Variants in SAMMSON observed in about 807,000 individuals in gnomAD.
SAMMSON encodes long intergenic non-protein coding RNA 1212.
rs1401511233 is a variant in SAMMSON at position 70,125,240 on chromosome 3, A to T, written n.507+53675A>T. The T allele has an allele frequency of 5.3e-6, 7 of 1,322,472 alleles. No individual in the cohort carries two copies. In the East Asian group the frequency reaches 1.6e-4, roughly 30 times the overall value. The allele number at this position is 1,322,472 out of a possible 1,614,324, so 81.9% of individuals were successfully genotyped here. On this transcript the variant is annotated intron_variant and non_coding_transcript_variant, in intron 4 of 9. Transcript: ENST00000642114. The stretch of plus-strand genomic sequence containing the variant: ...TTGTCCTTTCATACGACCTTCTTTC[A>T]TCAAACGTATATCAAACATGATCTA...
chr3:70,306,943 G>T (rs944627869), intron 7 of SAMMSON, among the ~76,000 whole-genome samples: 1 of 151,834 alleles, frequency 6.6e-6, no homozygotes, highest in Non-Finnish European at 1.5e-5. Context: ...CTTTGACTTT[G>T]CTCATACAAA....
chr3:70,404,036 A>T (rs1701161289), intron 2 of SAMMSON, among the ~76,000 whole-genome samples: 1 of 152,170 alleles, frequency 6.6e-6, no homozygotes, highest in African/African-American at 2.4e-5. Flanking sequence ...AATTTTCAAA[A>T]TACTGATTAT....
At chr3:70,203,667 T>C (rs1421773770) in intron 4 of SAMMSON, among the ~76,000 whole-genome samples, 1 of 152,158 alleles carries the variant, frequency 6.6e-6, no homozygotes, top group Non-Finnish European at 1.5e-5. Flanking sequence ...GAAAATGTAA[T>C]CATTTTATTC....
At chr3:70,147,779 T>G (rs1371315893) in intron 4 of SAMMSON, among the ~76,000 whole-genome samples, 1 of 152,012 alleles carries the variant, frequency 6.6e-6, no homozygotes, top group Non-Finnish European at 1.5e-5. Context: ...AATCAATCCC[T>G]AAAAGAAAAT....
At chr3:70,249,968 C>T (rs532987787) in intron 6 of SAMMSON, among the ~76,000 whole-genome samples, 1 of 152,302 alleles carries the variant, frequency 6.6e-6, no homozygotes, top group East Asian at 1.9e-4. Flanking sequence ...ATTAGATCCA[C>T]TAGCCTAGCT....
chr3:70,404,557 A>G (rs1701165166), intron 2 of SAMMSON, among the ~76,000 whole-genome samples: 1 of 152,224 alleles, frequency 6.6e-6, no homozygotes, highest in Non-Finnish European at 1.5e-5. Context: ...GAATGAGTTT[A>G]GAGTCCTCAT....
intron 9 of SAMMSON, among the ~76,000 whole-genome samples, chr3:70,384,747 C>G (rs1357655790): frequency 6.6e-6 from 1 of 152,104 alleles, no homozygotes; most frequent in Non-Finnish European, 1.5e-5. Flanking sequence ...ATTACCTTCT[C>G]ACTGCCATCT....
Position 70,250,211 on chromosome 3 carries a change from T to C in SAMMSON, n.674+541T>C, listed in dbSNP as rs565556847. On this transcript the variant is annotated intron_variant and non_coding_transcript_variant, in intron 6 of 9. Coordinates refer to ENST00000642114, the Ensembl canonical transcript of SAMMSON. The stretch of plus-strand genomic sequence containing the variant: ...TAACACTTTCTCACAACTTCTTGAG[T>C]TGGGCCTCTTAATTCTTCTCATCTT... 2.2e-4 allele frequency among the ~76,000 whole-genome samples: 33 copies of C among 152,254 alleles called. No individual in the cohort carries two copies. The South Asian group carries it at 6.6e-3, about 31-fold the overall frequency.
In SAMMSON at chr3:70,324,172, TATCTATCTATCTATCTATCTATCTATC is replaced by T. The variant is rs1702559506; in HGVS notation, n.740-29987_740-29961del. 2.9e-5 allele frequency among the ~76,000 whole-genome samples: 3 copies of T among 102,088 alleles called. No homozygotes were observed. In the South Asian group the frequency reaches 8.9e-4, roughly 30 times the overall value. The allele number at this position is 102,088 out of a possible 152,430, so 67.0% of individuals were successfully genotyped here. A position where few individuals can be genotyped will look rare whatever the true frequency, so the allele number is the denominator to read the frequency against. On this transcript the variant is annotated intron_variant and non_coding_transcript_variant, in intron 7 of 9. Transcript: ENST00000642114. ...ACATCTCTCTATCTATCTATCTATC[TATCTATCTATCTATCTATCTATCTATC>T]ATCTATCTATCTATCCACACACACA... is the stretch of plus-strand genomic sequence containing the variant.
At chr3:70,370,515 T>C (rs553898610) in intron 9 of SAMMSON, among the ~76,000 whole-genome samples, 1 of 152,232 alleles carries the variant, frequency 6.6e-6, no homozygotes, top group African/African-American at 2.4e-5. Context: ...TAGGGTAAGA[T>C]GATATCTCAT....
chr3:70,389,764 C>G (rs1245374761), exon 10 of SAMMSON: 1 of 152,054 alleles, frequency 6.6e-6, no homozygotes, highest in Non-Finnish European at 1.5e-5. Flanking sequence ...GCTGACAAGT[C>G]AAGTAGGATG....
In SAMMSON at chr3:70,433,430, G is replaced by A. The variant is rs1421500513; in HGVS notation, n.234-29130G>A. Among the ~76,000 whole-genome samples the A allele has an allele frequency of 2.0e-5, 3 of 152,148 alleles. No homozygotes were observed. The East Asian group carries it at 5.8e-4, about 29-fold the overall frequency. On this transcript the variant is annotated intron_variant and non_coding_transcript_variant, in intron 2 of 3. Coordinates refer to the SAMMSON transcript ENST00000641053. ...TTCAATGGTGAGTAATATTTCATAT[G>A]CTTTTTTGCTATCTGTATCTGCATT... is the stretch of plus-strand genomic sequence containing the variant.
intron 4 of SAMMSON, among the ~76,000 whole-genome samples, chr3:70,214,709 T>G (rs1162361732): frequency 6.6e-6 from 1 of 151,938 alleles, no homozygotes; most frequent in Non-Finnish European, 1.5e-5. Flanking sequence ...TGATGTACTT[T>G]TATAGCTAGA....
At position 70,202,907 on chromosome 3, in the gene SAMMSON, G is replaced by A. The variant is rs1391757308; in HGVS notation, n.508-46200G>A. On this transcript the variant is annotated intron_variant and non_coding_transcript_variant, in intron 4 of 9. Transcript: ENST00000642114. ...AGAGTGGAAAAGGTGGCAATCCAAG[G>A]AGGTTCCACAAGTGTGTTTGAGGGG... Among the ~76,000 whole-genome samples the A allele has an allele frequency of 1.3e-5, 2 of 152,100 alleles. 1 individual carries two copies. The highest frequency in any genetic ancestry group is 1.3e-4 in the Admixed American group (2 of 15,276).
intron 6 of SAMMSON, among the ~76,000 whole-genome samples, chr3:70,271,517 A>G (rs185812263): frequency 2.5e-3 from 388 of 152,356 alleles, no homozygotes; most frequent in Admixed American, 5.1e-3. Context: ...TTAACTATTT[A>G]ACAAACATCA....
At chr3:70,273,710 T>A (rs1701996272) in intron 6 of SAMMSON, among the ~76,000 whole-genome samples, 1 of 152,256 alleles carries the variant, frequency 6.6e-6, no homozygotes, top group Admixed American at 6.5e-5. Context: ...CTGGCAGGCA[T>A]TACTAATCAA....
chr3:70,249,755 C>G (rs1701742275), intron 6 of SAMMSON: 1 of 152,068 alleles, frequency 6.6e-6, no homozygotes, highest in Non-Finnish European at 1.5e-5. Context: ...CCTGTTTGCT[C>G]CTTGCTGCAT....
At chr3:70,147,424 A>G (rs2067553464) in intron 4 of SAMMSON, among the ~76,000 whole-genome samples, 2 of 152,166 alleles carry the variant, frequency 1.3e-5, no homozygotes, top group East Asian at 1.9e-4. Context: ...GACTTACTGT[A>G]TAGCTGCAAT....
At chr3:70,033,020 G>T (rs1005636070) in intron 3 of SAMMSON, among the ~76,000 whole-genome samples, 1 of 152,038 alleles carries the variant, frequency 6.6e-6, no homozygotes, top group South Asian at 2.1e-4. Context: ...GTCTGTGGAG[G>T]GCTTTCTCTG....
Sources: gnomAD v4.1 joint callset for allele counts (sites outside exome capture counted in the v4.1 genomes callset) on GRCh38, gnomAD v4.1.1 for gene constraint, MANE v1.5 for transcripts, NCBI Gene and HGNC (gene_info 2026-07-23, HGNC 2026-07-21) for gene names.